GRID1: variants seen among roughly 807,000 people sequenced by gnomAD.
GRID1 encodes the protein glutamate receptor ionotropic, delta-1.
Under a neutral mutation model 98.0 loss-of-function variants are expected in GRID1, and 28 were observed. The observed-to-expected ratio is 0.29, with a 90% CI of 0.21 to 0.39. GRID1 has a LOEUF of 0.39. Among genes scored for constraint, GRID1 ranks in the 10% least tolerant of loss-of-function variants. The pLI, the probability that GRID1 is intolerant of heterozygous loss-of-function variation, is 1.00. For missense variants in GRID1, 1,111 were observed against 1,340.5 expected (o/e 0.83, Z 2.67); for synonymous variants, 553 against 538.5 (o/e 1.03, Z -0.37).
intron 4 of GRID1, among the ~76,000 whole-genome samples, chr10:85,993,815 A>G (rs926555480): frequency 1.3e-5 from 2 of 152,214 alleles, no homozygotes. Flanking sequence ...AGACAGGAGA[A>G]TTGTGCCTAG....
Position 86,134,439 on chromosome 10 carries a change from C to A in GRID1, c.726+4380G>T, listed in dbSNP as rs182983503. ...CAGGAAGTTGAGATGAAGCCCAGGG[C>A]CAAATGACTGTGGACTGGAGTTCTC... On this transcript the variant is annotated intron_variant, in intron 4 of 15. Coordinates refer to ENST00000327946, the MANE Select transcript of GRID1 (RefSeq NM_017551.3). Among the ~76,000 whole-genome samples the A allele has an allele frequency of 3.5e-3, 536 of 152,228 alleles. 2 individuals carry two copies. The highest frequency in any genetic ancestry group is 0.012 in the African/African-American group (513 of 41,530).
intron 4 of GRID1, among the ~76,000 whole-genome samples, chr10:86,123,195 G>A (rs1223281710): frequency 6.6e-6 from 1 of 152,192 alleles, no homozygotes; most frequent in African/African-American, 2.4e-5. Flanking sequence ...GTCACAGGAG[G>A]AGAAGGGGGA....
chr10:86,355,721 G>A (rs561410378), intron 2 of GRID1, among the ~76,000 whole-genome samples: 32 of 152,378 alleles, frequency 2.1e-4, no homozygotes, highest in African/African-American at 7.7e-4. Context: ...AGAGAGTCTA[G>A]CTGAGTTGTT....
intron 2 of GRID1, among the ~76,000 whole-genome samples, chr10:86,274,213 C>T (rs903110470): frequency 1.4e-4 from 22 of 151,990 alleles, no homozygotes; most frequent in African/African-American, 4.6e-4. Flanking sequence ...GTCAAAGATC[C>T]GATAGTTGTA....
Position 85,619,871 on chromosome 10 carries a change from G to T in GRID1, c.2356C>A (p.Gln786Lys), listed in dbSNP as rs554173377. 6.2e-7 allele frequency: 1 copy of T among 1,613,174 alleles called. No homozygotes were observed. The highest frequency in any genetic ancestry group is 1.3e-5 in the African/African-American group (1 of 75,030). ...HGSPYRDLFS[Q>K]RILELQDTGD... ...TACCTTGCTGCCCAAGCCTACCTCT[G>T]GGAGAAGAGGTCCCTGTAGGGGCTG... is the stretch of plus-strand genomic sequence containing the variant. Residue 786 changes from glutamine to lysine, a missense_variant, in exon 14 of 16, where the codon CAG (glutamine) becomes AAG (lysine). By Grantham distance (53) the Gln-to-Lys change is moderately conservative. Coordinates refer to ENST00000327946, the MANE Select transcript of GRID1 (RefSeq NM_017551.3).
At chr10:86,238,819 A>C (rs1846581833) in intron 2 of GRID1, among the ~76,000 whole-genome samples, 1 of 152,176 alleles carries the variant, frequency 6.6e-6, no homozygotes, top group African/African-American at 2.4e-5. Context: ...CTCCACCTAG[A>C]TTTCAAAGGA....
At chr10:85,733,513 A>G (rs1270010722) in intron 8 of GRID1, among the ~76,000 whole-genome samples, 5 of 152,360 alleles carry the variant, frequency 3.3e-5, no homozygotes, top group African/African-American at 1.2e-4. Flanking sequence ...GAGTGACCTC[A>G]GATAGCACTT....
chr10:86,261,097 T>C (rs1183047673), intron 2 of GRID1, among the ~76,000 whole-genome samples: 1 of 152,234 alleles, frequency 6.6e-6, no homozygotes, highest in Non-Finnish European at 1.5e-5. Context: ...GGGGCCCCTG[T>C]AGCAACCCAG....
At chr10:85,929,657 T>G (rs1298536018) in intron 4 of GRID1, among the ~76,000 whole-genome samples, 1 of 152,208 alleles carries the variant, frequency 6.6e-6, no homozygotes, top group Non-Finnish European at 1.5e-5. Context: ...AGACAATAGT[T>G]TCTAAGCCTA....
rs547282082 is a variant in GRID1, at chr10:86,214,362, T to G, written c.236-7714A>C. 5.9e-5 allele frequency among the ~76,000 whole-genome samples: 9 copies of G among 152,304 alleles called. No homozygotes were observed. In the South Asian group the frequency reaches 1.7e-3, roughly 28 times the overall value. Reference sequence around the variant, plus strand: ...GCTACGTCTGTCTGGCTAATTCTCCTTCTCCTGTGTGCTGGGTAGGTAACC... The same window carrying G: ...GCTACGTCTGTCTGGCTAATTCTCCGTCTCCTGTGTGCTGGGTAGGTAACC... On this transcript the variant is annotated intron_variant, in intron 2 of 15. Coordinates refer to ENST00000327946, the MANE Select transcript of GRID1 (RefSeq NM_017551.3).
chr10:85,819,403 A>C (rs999878995), intron 8 of GRID1, among the ~76,000 whole-genome samples: 4 of 152,226 alleles, frequency 2.6e-5, no homozygotes, highest in African/African-American at 9.6e-5. Context: ...TTTCCTCAAC[A>C]TCTCAACATG....
At chr10:85,999,726 T>C (rs1353735061) in intron 4 of GRID1, among the ~76,000 whole-genome samples, 1 of 152,186 alleles carries the variant, frequency 6.6e-6, no homozygotes, top group Non-Finnish European at 1.5e-5. Context: ...CCAACTTGAT[T>C]ACATCAATGG....
At chr10:86,019,816 C>T (rs1368190203) in intron 4 of GRID1, among the ~76,000 whole-genome samples, 1 of 152,242 alleles carries the variant, frequency 6.6e-6, no homozygotes, top group African/African-American at 2.4e-5. Flanking sequence ...GGCCACGAGG[C>T]ATCCTCAGCA....
intron 4 of GRID1, among the ~76,000 whole-genome samples, chr10:85,957,994 C>G (rs1405647352): frequency 6.6e-6 from 1 of 152,198 alleles, no homozygotes; most frequent in Non-Finnish European, 1.5e-5. Flanking sequence ...TGAAACTCCC[C>G]CTAAGGGAGT....
At chr10:86,288,917 C>T (rs1340236731) in intron 2 of GRID1, among the ~76,000 whole-genome samples, 1 of 152,224 alleles carries the variant, frequency 6.6e-6, no homozygotes, top group Non-Finnish European at 1.5e-5. Context: ...CTCCCCAGCA[C>T]TTAGTGGCCT....
intron 3 of GRID1, among the ~76,000 whole-genome samples, chr10:86,171,908 C>G (rs922727987): frequency 3.9e-5 from 6 of 152,022 alleles, no homozygotes; most frequent in African/African-American, 1.2e-4. Flanking sequence ...AAACCCTACG[C>G]GGCATGCCAG....
intron 4 of GRID1, among the ~76,000 whole-genome samples, chr10:85,922,290 T>C (rs1037747308): frequency 6.6e-6 from 1 of 152,218 alleles, no homozygotes; most frequent in African/African-American, 2.4e-5. Context: ...TTATTCCACT[T>C]GCATTTCTTA....
Position 86,265,122 on chromosome 10 carries a change from C to T in GRID1, c.236-58474G>A, listed in dbSNP as rs542694425. On this transcript the variant is annotated intron_variant, in intron 2 of 15. Coordinates refer to ENST00000327946, the MANE Select transcript of GRID1 (RefSeq NM_017551.3). ...TTCTGAGCAGCTAGCCTGGCCCAGG[C>T]CTGCAGACTGAGTGGCCCACCCTGC... 3.6e-4 allele frequency among the ~76,000 whole-genome samples: 55 copies of T among 152,326 alleles called. 1 individual carries two copies. Among genetic ancestry groups the T allele is most frequent in the African/African-American group, 1.3e-3 (54 of 41,582 alleles).
chr10:85,922,918 C>T (rs1841724891), intron 4 of GRID1, among the ~76,000 whole-genome samples: 1 of 152,026 alleles, frequency 6.6e-6, no homozygotes, highest in Non-Finnish European at 1.5e-5. Context: ...GAAAAACGTC[C>T]CAAGATGCTG....
Sources: allele counts gnomAD v4.1 joint callset (sites outside exome capture counted in the v4.1 genomes callset), GRCh38; gene constraint gnomAD v4.1.1; transcripts MANE v1.5; gene names NCBI Gene and HGNC (gene_info 2026-07-23, HGNC 2026-07-21).